ST3GAL3: variants seen among roughly 807,000 people sequenced by gnomAD.
ST3GAL3 encodes CMP-N-acetylneuraminate-beta-1,4-galactoside alpha-2,3-sialyltransferase.
Under a neutral mutation model 50.1 loss-of-function variants are expected in ST3GAL3, and 21 were observed. The observed-to-expected ratio is 0.42, with a 90% CI of 0.30 to 0.60. ST3GAL3 has a LOEUF of 0.60. ST3GAL3 is among the 20% of genes least tolerant of loss of function. ST3GAL3 has a pLI of 0.19. For synonymous variants in ST3GAL3, 183 were observed against 190.0 expected, an observed-to-expected ratio of 0.96 and a Z score of 0.30; for missense variants, 353 against 489.4, an observed-to-expected ratio of 0.72 and a Z score of 2.63.
intron 11 of ST3GAL3, 165 bp from the exon 12 acceptor site, chr1:43,929,967 C>T (rs922336927): frequency 1.3e-6 from 1 of 763,406 alleles, no homozygotes. Flanking sequence ...ACTCCTAGAG[C>T]AGGGTCATCA....
chr1:43,774,550 G>A (rs72678680), intron 2 of ST3GAL3, among the ~76,000 whole-genome samples: 27,983 of 152,074 alleles, frequency 0.18, 3,378 homozygotes, highest in Non-Finnish European at 0.26. Flanking sequence ...GCCAAGCGTG[G>A]GCAAGCCCCA....
intron 2 of ST3GAL3, among the ~76,000 whole-genome samples, chr1:43,789,489 T>G (rs2057772263): frequency 1.3e-5 from 2 of 152,144 alleles, no homozygotes; most frequent in South Asian, 4.2e-4. Flanking sequence ...GTACGTGAAT[T>G]ATACCTCAAT....
chr1:43,790,367 T>C (rs1442358725), intron 2 of ST3GAL3, among the ~76,000 whole-genome samples: 1 of 152,178 alleles, frequency 6.6e-6, no homozygotes, highest in Non-Finnish European at 1.5e-5. Context: ...GGGGTGTGGC[T>C]CTAGACTCTG....
At chr1:43,824,184 A>G (rs910807954) in intron 4 of ST3GAL3, among the ~76,000 whole-genome samples, 4 of 152,162 alleles carry the variant, frequency 2.6e-5, no homozygotes, top group African/African-American at 4.8e-5. Flanking sequence ...CAAAATCCAG[A>G]TCTTTCAAAT....
intron 4 of ST3GAL3, chr1:43,824,703 C>G: frequency 6.2e-7 from 1 of 1,613,854 alleles, no homozygotes; most frequent in African/African-American, 1.3e-5. Context: ...GTGATCAAGA[C>G]TGAAAAAGCC....
At chr1:43,760,388 G>A (rs1283137154) in intron 2 of ST3GAL3, among the ~76,000 whole-genome samples, 1 of 152,230 alleles carries the variant, frequency 6.6e-6, no homozygotes, top group Non-Finnish European at 1.5e-5. Flanking sequence ...ATCATTGGAA[G>A]ATGTGTATAA....
rs2078630800 is a variant in ST3GAL3, at chr1:43,903,434, T to G, written c.744+3707T>G. On this transcript the variant is annotated intron_variant, in intron 9 of 11. Transcript: ENST00000347631. ...CTGGGAACTGCCTTCCAACCCCGTT[T>G]GCTGCCTCCTCTTCCTCCTCCTCCT... Among the ~76,000 whole-genome samples, 4 of 152,320 alleles carry G rather than the reference T, an allele frequency of 2.6e-5. No homozygotes were observed. In the South Asian group the frequency reaches 8.3e-4, roughly 32 times the overall value.
intron 2 of ST3GAL3, among the ~76,000 whole-genome samples, chr1:43,790,762 G>C (rs1572916689): frequency 6.6e-6 from 1 of 151,448 alleles, no homozygotes; most frequent in Non-Finnish European, 1.5e-5. Flanking sequence ...CTCCCAAGTA[G>C]CCAGGACTAC....
intron 2 of ST3GAL3, among the ~76,000 whole-genome samples, chr1:43,746,369 A>G (rs928645125): frequency 6.6e-6 from 1 of 152,228 alleles, no homozygotes; most frequent in African/African-American, 2.4e-5. Context: ...TTCAGTTTAT[A>G]AGATGAAAAG....
intron 2 of ST3GAL3, among the ~76,000 whole-genome samples, chr1:43,762,805 C>T (rs1393576527): frequency 1.3e-5 from 2 of 151,906 alleles, no homozygotes; most frequent in Middle Eastern, 3.2e-3. Context: ...GGTGAGACTG[C>T]TGGGGAGAGA....
chr1:43,813,363 C>A (rs1490441831), intron 3 of ST3GAL3, among the ~76,000 whole-genome samples: 1 of 152,198 alleles, frequency 6.6e-6, no homozygotes, highest in African/African-American at 2.4e-5. Flanking sequence ...TAACTCTTTG[C>A]AAATTGTATT....
chr1:43,908,939 C>G (rs1470300370), intron 9 of ST3GAL3, among the ~76,000 whole-genome samples: 1 of 152,184 alleles, frequency 6.6e-6, no homozygotes. Flanking sequence ...GCCCTTGCCA[C>G]TCTTTAGCAC....
chr1:43,736,011 G>C (rs1280305024), intron 1 of ST3GAL3, among the ~76,000 whole-genome samples: 1 of 152,182 alleles, frequency 6.6e-6, no homozygotes, highest in African/African-American at 2.4e-5. Context: ...CGGCGGCTGG[G>C]GTGGGGAAGC....
At chr1:43,920,368 G>T (rs570391031) in intron 9 of ST3GAL3, 36 bp from the exon 10 acceptor site, 1 of 1,613,804 alleles carries the variant, frequency 6.2e-7, no homozygotes, top group Non-Finnish European at 8.5e-7. Context: ...CCCTTGCTGT[G>T]TGCCTCGTTG....
intron 2 of ST3GAL3, among the ~76,000 whole-genome samples, 191 bp from the exon 3 acceptor site, chr1:43,791,911 A>C (rs548586250): frequency 6.6e-6 from 1 of 152,316 alleles, no homozygotes; most frequent in African/African-American, 2.4e-5. Context: ...GGCAGGAGGC[A>C]AGGGGTACTG....
At chr1:43,727,010 T>G (rs1673241144) in intron 1 of ST3GAL3, among the ~76,000 whole-genome samples, 1 of 152,242 alleles carries the variant, frequency 6.6e-6, no homozygotes. Context: ...ACATTATTCC[T>G]TCTATTTTCA....
At chr1:43,765,954 GCTGCAGGGAAGC>G (rs1692768995) in intron 2 of ST3GAL3, among the ~76,000 whole-genome samples, 2 of 151,962 alleles carry the variant, frequency 1.3e-5, no homozygotes, top group African/African-American at 4.8e-5. Flanking sequence ...ATAGATGTGT[GCTGCAGGGAAGC>G]ACATGAGCTT....
At chr1:43,741,778 C>T (rs566536569) in intron 2 of ST3GAL3, among the ~76,000 whole-genome samples, 2 of 152,236 alleles carry the variant, frequency 1.3e-5, no homozygotes, top group South Asian at 2.1e-4. Context: ...CAACAGGCAG[C>T]GTAAAATTTC....
At chr1:43,927,607 C>T (rs1250122352) in intron 11 of ST3GAL3, among the ~76,000 whole-genome samples, 2 of 152,160 alleles carry the variant, frequency 1.3e-5, no homozygotes, top group Non-Finnish European at 2.9e-5. Context: ...CCTTGTCTTT[C>T]CTCCAAGTCT....
Sources: allele counts gnomAD v4.1 joint callset (sites outside exome capture counted in the v4.1 genomes callset), GRCh38; gene constraint gnomAD v4.1.1; transcripts MANE v1.5; gene names NCBI Gene and HGNC (gene_info 2026-07-23, HGNC 2026-07-21).